DACH1: variants seen among roughly 807,000 people sequenced by gnomAD.
DACH1 encodes the protein dachshund family transcription factor 1.
A neutral mutation model predicts 54.2 loss-of-function variants in DACH1; 12 were observed. The ratio of observed to expected loss-of-function variants is 0.22; its 90% CI spans 0.14 to 0.36. DACH1 has a LOEUF of 0.36. Among genes scored for constraint, DACH1 ranks in the 10% least tolerant of loss-of-function variants. DACH1 has a pLI of 1.00. For synonymous variants in DACH1, 386 were observed against 366.2 expected (o/e 1.05, Z -0.62); for missense variants, 805 against 929.8 (o/e 0.87, Z 1.75).
chr13:71,570,747 C>A (rs1885144576), intron 4 of DACH1, among the ~76,000 whole-genome samples: 1 of 152,080 alleles, frequency 6.6e-6, no homozygotes, highest in Non-Finnish European at 1.5e-5. Flanking sequence ...TAAACTTAAT[C>A]TAGGAAAACA....
intron 6 of DACH1, among the ~76,000 whole-genome samples, chr13:71,536,952 C>T (rs985349692): frequency 5.3e-5 from 8 of 151,960 alleles, no homozygotes; most frequent in African/African-American, 9.7e-5. Context: ...ATTATAGCTC[C>T]GCACACCATT....
chr13:71,621,345 C>T (rs968781378), intron 3 of DACH1, among the ~76,000 whole-genome samples: 10 of 151,984 alleles, frequency 6.6e-5, no homozygotes, highest in African/African-American at 2.4e-4. Flanking sequence ...TTTGCCCTTT[C>T]ATAGAGATGG....
intron 1 of DACH1, among the ~76,000 whole-genome samples, chr13:71,804,422 G>A (rs1190798529): frequency 6.6e-6 from 1 of 152,126 alleles, no homozygotes; most frequent in Non-Finnish European, 1.5e-5. Flanking sequence ...CGACCAGTGT[G>A]ATTCTGGCAT....
chr13:71,647,387 A>G (rs1025097073), intron 2 of DACH1, among the ~76,000 whole-genome samples: 2 of 152,064 alleles, frequency 1.3e-5, no homozygotes, highest in African/African-American at 4.8e-5. Flanking sequence ...CTAGAACCCA[A>G]TTTTTTTTCC....
chr13:71,741,462 G>T (rs1450435619), intron 1 of DACH1, among the ~76,000 whole-genome samples: 1 of 152,132 alleles, frequency 6.6e-6, no homozygotes, highest in African/African-American at 2.4e-5. Context: ...AAATGAAAAA[G>T]AGATTGGGAC....
intron 6 of DACH1, among the ~76,000 whole-genome samples, chr13:71,525,032 C>T (rs1353056811): frequency 1.3e-5 from 2 of 152,112 alleles, no homozygotes; most frequent in Non-Finnish European, 2.9e-5. Context: ...CATTAAATTT[C>T]AATCGCCCTA....
intron 1 of DACH1, among the ~76,000 whole-genome samples, chr13:71,836,609 T>A (rs1594281782): frequency 6.6e-6 from 1 of 152,164 alleles, no homozygotes; most frequent in Non-Finnish European, 1.5e-5. Context: ...ATTTCCCTCC[T>A]CTACTAAGCT....
At chr13:71,711,262 G>A (rs1459385460) in intron 1 of DACH1, among the ~76,000 whole-genome samples, 1 of 152,064 alleles carries the variant, frequency 6.6e-6, no homozygotes, top group Non-Finnish European at 1.5e-5. Context: ...CAACAGGAGG[G>A]ATATAGATGA....
chr13:71,564,050 ATTAAT>A (rs1384194513), intron 4 of DACH1, among the ~76,000 whole-genome samples: 2 of 152,042 alleles, frequency 1.3e-5, no homozygotes, highest in Admixed American at 6.6e-5. Flanking sequence ...TGCACAATAA[ATTAAT>A]TTATTTCAAC....
chr13:71,822,519 A>G (rs539355487), intron 1 of DACH1, among the ~76,000 whole-genome samples: 4 of 152,274 alleles, frequency 2.6e-5, no homozygotes, highest in African/African-American at 9.6e-5. Flanking sequence ...ATGTTTCCCA[A>G]AAGTTGCAAT....
At chr13:71,767,364 G>A (rs1420203040) in intron 1 of DACH1, among the ~76,000 whole-genome samples, 2 of 151,838 alleles carry the variant, frequency 1.3e-5, no homozygotes, top group Non-Finnish European at 2.9e-5. Context: ...GATTTGGTGG[G>A]GGAATAAAAT....
chr13:71,613,855 G>A (rs1261566811), intron 3 of DACH1, among the ~76,000 whole-genome samples: 1 of 152,060 alleles, frequency 6.6e-6, no homozygotes, highest in East Asian at 1.9e-4. Context: ...GGGACCACAG[G>A]TGTGTGCCAC....
chr13:71,550,340 A>G (rs1188938683), intron 6 of DACH1, among the ~76,000 whole-genome samples: 1 of 152,098 alleles, frequency 6.6e-6, no homozygotes, highest in African/African-American at 2.4e-5. Context: ...CTAAGTATAC[A>G]AAGAAGGTGA....
chr13:71,468,766 AT>A (rs1159173828), intron 10 of DACH1, among the ~76,000 whole-genome samples: 1 of 152,066 alleles, frequency 6.6e-6, no homozygotes, highest in Non-Finnish European at 1.5e-5. Context: ...TAAGTTGTAG[AT>A]TTTTTTCTCT....
chr13:71,703,285 T>A (rs566266122), intron 1 of DACH1, among the ~76,000 whole-genome samples: 1 of 152,316 alleles, frequency 6.6e-6, no homozygotes, highest in East Asian at 1.9e-4. Flanking sequence ...AATTTGAGCT[T>A]GGCTATGAGA....
chr13:71,846,639 GTAGA>G (rs1282991828), intron 1 of DACH1, among the ~76,000 whole-genome samples: 1 of 152,176 alleles, frequency 6.6e-6, no homozygotes, highest in Non-Finnish European at 1.5e-5. Flanking sequence ...AGGTAGGTAG[GTAGA>G]TAGATAGATA....
At chr13:71,513,267 T>A (rs118104342) in intron 6 of DACH1, among the ~76,000 whole-genome samples, 1 of 151,948 alleles carries the variant, frequency 6.6e-6, no homozygotes, top group African/African-American at 2.4e-5. Context: ...TTTCTTTATA[T>A]CTAGAACAAA....
intron 1 of DACH1, among the ~76,000 whole-genome samples, chr13:71,696,049 G>A (rs567061655): frequency 2.6e-5 from 4 of 152,200 alleles, no homozygotes; most frequent in Admixed American, 1.3e-4. Context: ...TCAAGATAGG[G>A]ATGAAAAACA....
intron 6 of DACH1, among the ~76,000 whole-genome samples, chr13:71,513,933 C>T (rs1222694250): frequency 6.6e-6 from 1 of 152,042 alleles, no homozygotes; most frequent in African/African-American, 2.4e-5. Flanking sequence ...GTTCAGTGAA[C>T]ACTCATTTAC....
Sources: gnomAD v4.1 joint callset for allele counts (sites outside exome capture counted in the v4.1 genomes callset) on GRCh38, gnomAD v4.1.1 for gene constraint, MANE v1.5 for transcripts, NCBI Gene and HGNC (gene_info 2026-07-23, HGNC 2026-07-21) for gene names.